Variants in SLC25A24 observed in about 807,000 individuals in gnomAD.
SLC25A24 encodes the protein solute carrier family 25 member 24, also known as mitochondrial adenyl nucleotide antiporter SLC25A24.
SLC25A24 carries 49 observed loss-of-function variants against 60.7 expected under a neutral mutation model. The observed-to-expected ratio is 0.81, with a 90% CI of 0.64 to 1.02. The LOEUF (loss-of-function observed/expected upper bound fraction) is 1.02, where lower values mean the gene tolerates loss of function less well. Among genes scored for constraint, SLC25A24 ranks in the 50% least tolerant of loss-of-function variants. SLC25A24 has a pLI of 0.00. For synonymous variants in SLC25A24, 202 were observed against 200.6 expected (o/e 1.01, Z -0.06); for missense variants, 564 against 586.3 (o/e 0.96, Z 0.39).
At position 108,185,828 on chromosome 1, in the gene SLC25A24, C is replaced by A; in HGVS notation, c.310G>T (p.Gly104Ter). ...AFKSLDKNND[G>*]KIEASEIVQS... ...TGATAAATACAAAAGAAAGACACAC[C>A]ATCATTATTTTTGTCTAAACTCTTA... Residue 104 changes from glycine (G) to a stop codon, truncating the protein, a stop_gained and splice_region_variant, in exon 2 of 10, where the codon GGA (glycine) becomes TGA (stop). Coordinates refer to ENST00000565488, the MANE Select transcript of SLC25A24 (RefSeq NM_013386.5). LOFTEE classifies it high-confidence loss of function. 6.3e-7 allele frequency: 1 copy of A among 1,583,664 alleles called. No individual in the cohort carries two copies. Among genetic ancestry groups the A allele is most frequent in the Non-Finnish European group, 8.6e-7 (1 of 1,159,142 alleles).
chr1:108,152,936 A>G (rs545785735), intron 6 of SLC25A24, among the ~76,000 whole-genome samples: 3 of 152,330 alleles, frequency 2.0e-5, no homozygotes, highest in Admixed American at 6.5e-5. Context: ...TATGACATAT[A>G]GAAAGAGGAA....
rs17021146 is a variant in SLC25A24 at position 108,155,278 on chromosome 1, A to G, written c.670-143T>C. The G allele has an allele frequency of 6.8e-3, 5,014 of 741,018 alleles. 175 individuals are homozygous for G. The African/African-American group carries it at 0.075, about 11-fold the overall frequency. 45.9% of individuals were successfully genotyped at this position (741,018 alleles called of 1,614,324 possible). A position where few individuals can be genotyped will look rare whatever the true frequency, so the allele number is the denominator to read the frequency against. On this transcript the variant is annotated intron_variant, in intron 5 of 9. Transcript: ENST00000565488. ...ATAAAATATAGAAAGGTTGAAAAAT[A>G]TATATAATGATGAGAGGGAGTATTG...
chr1:108,192,655 G>A (rs1248225203), intron 1 of SLC25A24: 3 of 1,485,022 alleles, frequency 2.0e-6, no homozygotes, highest in East Asian at 2.9e-5. Context: ...CGCGGCCTGA[G>A]TGAGCCCCAG....
At chr1:108,141,495 C>T (rs1239211953) in intron 8 of SLC25A24, among the ~76,000 whole-genome samples, 1 of 152,028 alleles carries the variant, frequency 6.6e-6, no homozygotes, top group Non-Finnish European at 1.5e-5. Context: ...ACCATTTGAC[C>T]CAGAAATTCC....
At chr1:108,198,157 G>A (rs828995) in intron 1 of SLC25A24, among the ~76,000 whole-genome samples, 28,940 of 152,094 alleles carry the variant, frequency 0.19, 2,997 homozygotes, top group Non-Finnish European at 0.22. Context: ...CCCAGCCTGC[G>A]GAACTGTGAG....
chr1:108,143,062 T>C (rs1490309545), intron 8 of SLC25A24, among the ~76,000 whole-genome samples: 1 of 152,206 alleles, frequency 6.6e-6, no homozygotes, highest in Non-Finnish European at 1.5e-5. Flanking sequence ...ATTGAGTCCT[T>C]TGAATCCCCA....
chr1:108,148,326 C>G lies in SLC25A24; in HGVS notation c.883G>C (p.Gly295Arg). 1 of 1,613,246 alleles carries G rather than the reference C, an allele frequency of 6.2e-7. No individual in the cohort carries two copies. The highest frequency in any genetic ancestry group is 8.5e-7 in the Non-Finnish European group (1 of 1,179,232). Residue 295 changes from glycine to arginine, a missense_variant, in exon 7 of 10, where the codon GGT becomes CGT. Physicochemically the swap from Gly to Arg is moderately radical, Grantham distance 125. Coordinates refer to ENST00000565488, the MANE Select transcript of SLC25A24 (RefSeq NM_013386.5). ...TGTGCAGTTGCTCCAGCCATGGAAC[C>G]AGAAATAAATCTCTCAAATGTTCCT... is the stretch of plus-strand genomic sequence containing the variant. ...KIGTFERFISGSMAGATAQTF... is the reference protein window; with the variant it reads ...KIGTFERFISRSMAGATAQTF...
chr1:108,155,164 T>C (rs1679862540), intron 5 of SLC25A24, 29 bp from the exon 6 acceptor site: 4 of 1,595,444 alleles, frequency 2.5e-6, no homozygotes, highest in Non-Finnish European at 3.4e-6. Flanking sequence ...TGATATAAAA[T>C]GCTGGTGGCA....
Position 108,136,583 on chromosome 1 carries a change from T to G in SLC25A24, c.*70A>C. ...TCTTTTGCCATAGACTTGTTTCAAT[T>G]CGAGGAGAAAAAGTCACTCCAGAGA... On this transcript the variant is annotated 3_prime_UTR_variant, in exon 10 of 10. Transcript: ENST00000565488. 2 of 1,338,578 alleles carry G rather than the reference T, an allele frequency of 1.5e-6. No individual in the cohort carries two copies. Among genetic ancestry groups the G allele is most frequent in the Non-Finnish European group, 2.1e-6 (2 of 955,236 alleles). 82.9% of individuals were successfully genotyped at this position (1,338,578 alleles called of 1,614,324 possible).
At chr1:108,192,549 G>C (rs577241833) in intron 1 of SLC25A24, 1 of 1,499,480 alleles carries the variant, frequency 6.7e-7, no homozygotes, top group South Asian at 1.3e-5. Context: ...CCTTCCTGAA[G>C]CTCAAAAATG....
intron 8 of SLC25A24, among the ~76,000 whole-genome samples, chr1:108,142,152 GGAAC>G (rs1218037231): frequency 6.6e-6 from 1 of 152,104 alleles, no homozygotes; most frequent in Non-Finnish European, 1.5e-5. Flanking sequence ...TGGAAAAACT[GGAAC>G]CTTTGTATGT....
At chr1:108,193,785 A>G (rs1648417619) in intron 1 of SLC25A24, among the ~76,000 whole-genome samples, 2 of 139,820 alleles carry the variant, frequency 1.4e-5, no homozygotes, top group African/African-American at 5.0e-5. Context: ...TTCAGCTGTT[A>G]GTGGCTGGAT....
intron 3 of SLC25A24, among the ~76,000 whole-genome samples, chr1:108,161,919 G>C (rs1433211353): frequency 6.6e-6 from 1 of 150,836 alleles, no homozygotes; most frequent in Non-Finnish European, 1.5e-5. Context: ...CTAGCATTAG[G>C]TATATCTCCC....
intron 8 of SLC25A24, 120 bp from the exon 9 acceptor site, chr1:108,139,328 G>T: frequency 1.0e-6 from 1 of 1,004,458 alleles, no homozygotes; most frequent in Non-Finnish European, 1.4e-6. Context: ...CCACGCATTT[G>T]CAGAAGCAGC....
intron 6 of SLC25A24, among the ~76,000 whole-genome samples, chr1:108,150,747 G>A (rs768610585): frequency 5.3e-5 from 8 of 151,088 alleles, no homozygotes; most frequent in Non-Finnish European, 1.2e-4. Context: ...GATAGAACCT[G>A]TCTCCCCCAG....
intron 7 of SLC25A24, among the ~76,000 whole-genome samples, chr1:108,147,396 G>A (rs1302709642): frequency 2.0e-5 from 3 of 152,028 alleles, no homozygotes; most frequent in Admixed American, 6.6e-5. Flanking sequence ...AGGGTTTTTC[G>A]TGTCTCTATC....
At position 108,185,810 on chromosome 1, in the gene SLC25A24, T is replaced by C. The variant is rs551540013; in HGVS notation, c.310+18A>G. 3 of 1,569,702 alleles carry C rather than the reference T, an allele frequency of 1.9e-6. No individual in the cohort carries two copies. In the South Asian group the frequency reaches 3.5e-5, roughly 18 times the overall value. ...ATGCTTCTTCATAGCTGGTGATAAA[T>C]ACAAAAGAAAGACACACCATCATTA... On this transcript the variant is annotated intron_variant, in intron 2 of 9. Transcript: ENST00000565488.
chr1:108,148,226 T>C (rs192919413), intron 7 of SLC25A24, 53 bp downstream of exon 7: 5 of 1,058,232 alleles, frequency 4.7e-6, no homozygotes, highest in East Asian at 2.4e-5. Context: ...TAGAGAGCAA[T>C]AGACAACCAA....
rs2101595109 is a variant in SLC25A24 at position 108,139,116 on chromosome 1, G to GGT, written c.1189_1190dup (p.Cys398ProfsTer13). ...ATGGGTAGCTGGCCAGCTGACCACA[G>GGT]GTGCTGGATAAGGCACCGCATCCCA... On this transcript the variant is annotated frameshift_variant, in exon 9 of 10. Coordinates refer to ENST00000565488, the MANE Select transcript of SLC25A24 (RefSeq NM_013386.5). LOFTEE classifies it high-confidence loss of function. 1 of 1,610,298 alleles carries GGT rather than the reference G, an allele frequency of 6.2e-7. No individual in the cohort carries two copies. The highest frequency in any genetic ancestry group is 1.7e-5 in the Admixed American group (1 of 59,426).
Sources: gnomAD v4.1 joint callset for allele counts (sites outside exome capture counted in the v4.1 genomes callset) on GRCh38, gnomAD v4.1.1 for gene constraint, MANE v1.5 for transcripts, NCBI Gene and HGNC (gene_info 2026-07-23, HGNC 2026-07-21) for gene names.